Variants in PAMR1 observed in about 807,000 individuals in gnomAD.
The protein encoded by PAMR1 is peptidase domain containing associated with muscle regeneration 1.
Under a neutral mutation model 81.8 loss-of-function variants are expected in PAMR1, and 88 were observed. That is an observed-to-expected ratio of 1.08 (90% CI 0.91 to 1.28). The LOEUF (loss-of-function observed/expected upper bound fraction) is 1.28, where lower values mean the gene tolerates loss of function less well. Among genes scored for constraint, PAMR1 ranks in the 50% most tolerant of loss-of-function variants. The pLI, the probability that PAMR1 is intolerant of heterozygous loss-of-function variation, is 0.00. For synonymous variants in PAMR1, 336 were observed against 345.3 expected, an observed-to-expected ratio of 0.97 and a Z score of 0.30; for missense variants, 935 against 919.7, an observed-to-expected ratio of 1.02 and a Z score of -0.21.
intron 3 of PAMR1, among the ~76,000 whole-genome samples, chr11:35,487,313 T>A (rs1007934078): frequency 2.0e-5 from 3 of 152,114 alleles, no homozygotes; most frequent in African/African-American, 7.2e-5. Context: ...TCCACCTATG[T>A]GTTCCATTAC....
chr11:35,507,259 CTGG>C (rs1255403736), intron 1 of PAMR1, among the ~76,000 whole-genome samples: 2 of 151,916 alleles, frequency 1.3e-5, no homozygotes, highest in Non-Finnish European at 1.5e-5. Flanking sequence ...GTGGGTCAGG[CTGG>C]TCTTGAACTC....
At chr11:35,466,063 T>C (rs1856749841) in intron 6 of PAMR1, among the ~76,000 whole-genome samples, 1 of 150,188 alleles carries the variant, frequency 6.7e-6, no homozygotes, top group Non-Finnish European at 1.5e-5. Context: ...TTTTACTTCT[T>C]TCCAATTCTA....
intron 4 of PAMR1, among the ~76,000 whole-genome samples, chr11:35,474,107 G>T (rs1850239591): frequency 6.6e-6 from 1 of 152,216 alleles, no homozygotes; most frequent in Non-Finnish European, 1.5e-5. Flanking sequence ...TTGGACTGTG[G>T]CATAAACAAC....
intron 3 of PAMR1, among the ~76,000 whole-genome samples, chr11:35,482,340 G>C (rs1007242173): frequency 1.3e-5 from 2 of 152,104 alleles, no homozygotes; most frequent in African/African-American, 4.8e-5. Context: ...ATGATCAGAT[G>C]GTTGTAGATG....
intron 6 of PAMR1, among the ~76,000 whole-genome samples, chr11:35,466,782 A>G (rs545696468): frequency 1.3e-5 from 2 of 151,634 alleles, no homozygotes; most frequent in African/African-American, 4.8e-5. Context: ...CAAAACATAC[A>G]CAAACTTTAG....
At chr11:35,450,666 AT>A (rs1856397309) in intron 6 of PAMR1, among the ~76,000 whole-genome samples, 1 of 152,238 alleles carries the variant, frequency 6.6e-6, no homozygotes, top group African/African-American at 2.4e-5. Flanking sequence ...CAAAAACATA[AT>A]ATGTTATGCT....
At chr11:35,499,662 C>T (rs1268726893) in intron 1 of PAMR1, among the ~76,000 whole-genome samples, 2 of 152,088 alleles carry the variant, frequency 1.3e-5, no homozygotes, top group Non-Finnish European at 2.9e-5. Flanking sequence ...GTGAGCAAGC[C>T]CACCTCAGCC....
intron 3 of PAMR1, among the ~76,000 whole-genome samples, chr11:35,479,897 A>G (rs1033865563): frequency 1.7e-4 from 26 of 152,162 alleles, no homozygotes; most frequent in African/African-American, 6.0e-4. Context: ...TCAGTACAGG[A>G]AGGTACTCCG....
chr11:35,504,177 T>A (rs1590384862), intron 1 of PAMR1, among the ~76,000 whole-genome samples: 1 of 152,290 alleles, frequency 6.6e-6, no homozygotes, highest in Middle Eastern at 3.4e-3. Flanking sequence ...ATCATGTCTG[T>A]TTATTTGCAT....
At chr11:35,466,168 A>C (rs1374690595) in intron 6 of PAMR1, among the ~76,000 whole-genome samples, 2 of 151,856 alleles carry the variant, frequency 1.3e-5, no homozygotes, top group African/African-American at 4.8e-5. Context: ...AGTATTTGCT[A>C]TTGTCAAGAA....
At position 35,432,530 on chromosome 11, in the gene PAMR1, T is replaced by G; in HGVS notation, c.1989A>C (p.Ala663=). The change falls in exon 11 of 11, where the codon GCA becomes GCC. Residue 663 remains alanine, a synonymous_variant. Transcript: ENST00000619888. ...ACACAGCCGCGATGCCTCCTGTCTC[T>G]GCAGTGCAGATATCAGAAGGGGCAG... The part of the protein sequence containing the change: ...EPTAPSDICT[A]ETGGIAAVSF... 1 of 1,614,250 alleles carries G rather than the reference T, an allele frequency of 6.2e-7. No homozygotes were observed. The highest frequency in any genetic ancestry group is 8.5e-7 in the Non-Finnish European group (1 of 1,180,050).
At chr11:35,478,748 G>C (rs1039440769) in intron 3 of PAMR1, among the ~76,000 whole-genome samples, 1 of 152,224 alleles carries the variant, frequency 6.6e-6, no homozygotes, top group Admixed American at 6.5e-5. Flanking sequence ...GAGTCTGAAA[G>C]ACCAGAGCAG....
At chr11:35,503,611 A>G (rs1039119117) in intron 1 of PAMR1, among the ~76,000 whole-genome samples, 6 of 151,948 alleles carry the variant, frequency 3.9e-5, no homozygotes, top group Non-Finnish European at 8.8e-5. Context: ...ATTGACTCCT[A>G]GGTATTTTAT....
intron 3 of PAMR1, among the ~76,000 whole-genome samples, chr11:35,484,285 G>C (rs1850458247): frequency 1.3e-5 from 2 of 152,212 alleles, no homozygotes; most frequent in African/African-American, 4.8e-5. Context: ...CCCAAAGCCA[G>C]GAAAGAAACA....
chr11:35,439,539 A>G (rs1429646197), intron 8 of PAMR1, 88 bp downstream of exon 8: 3 of 1,068,772 alleles, frequency 2.8e-6, no homozygotes, highest in Admixed American at 1.7e-5. Context: ...CAAACTGACT[A>G]TCTTTGGCCA....
chr11:35,484,084 C>A (rs1666918919), intron 3 of PAMR1, among the ~76,000 whole-genome samples: 1 of 152,122 alleles, frequency 6.6e-6, no homozygotes, highest in Non-Finnish European at 1.5e-5. Context: ...TAGCATCCAC[C>A]ATTTATTGAG....
intron 1 of PAMR1, among the ~76,000 whole-genome samples, chr11:35,508,708 G>T (rs949624628): frequency 1.3e-5 from 2 of 151,802 alleles, no homozygotes; most frequent in Admixed American, 1.3e-4. Flanking sequence ...CTGCAAGTAG[G>T]CCCCAGTGTC....
intron 3 of PAMR1, 72 bp from the exon 4 acceptor site, chr11:35,474,816 G>A (rs1447174115): frequency 1.2e-5 from 12 of 967,964 alleles, no homozygotes; most frequent in African/African-American, 9.8e-5. Flanking sequence ...AGGTCTCAAC[G>A]AGACTTTGAG....
intron 6 of PAMR1, among the ~76,000 whole-genome samples, chr11:35,442,680 T>C (rs964464805): frequency 2.0e-5 from 3 of 152,084 alleles, no homozygotes; most frequent in Admixed American, 6.6e-5. Flanking sequence ...GGCGCAATCT[T>C]GGCTCACTGC....
Sources: allele counts gnomAD v4.1 joint callset (sites outside exome capture counted in the v4.1 genomes callset), GRCh38; gene constraint gnomAD v4.1.1; transcripts MANE v1.5; gene names NCBI Gene and HGNC (gene_info 2026-07-23, HGNC 2026-07-21).